The following PCNX2 variants were observed in gnomAD, a reference collection of about 807,000 sequenced individuals.
The protein encoded by PCNX2 is pecanex 2, also known as pecanex-like protein 2.
A neutral mutation model predicts 223.8 loss-of-function variants in PCNX2; 168 were observed. The ratio of observed to expected loss-of-function variants is 0.75; its 90% CI spans 0.66 to 0.85. The LOEUF (loss-of-function observed/expected upper bound fraction) is 0.85, where lower values mean the gene tolerates loss of function less well. Among genes scored for constraint, PCNX2 ranks in the 40% least tolerant of loss-of-function variants. The pLI is 0.00. For missense variants in PCNX2, 2,507 were observed against 2,675.5 expected, an observed-to-expected ratio of 0.94 and a Z score of 1.39; for synonymous variants, 1,006 against 1,052.6, an observed-to-expected ratio of 0.96 and a Z score of 0.86.
intron 17 of PCNX2, among the ~76,000 whole-genome samples, chr1:233,168,741 A>G (rs1678951054): frequency 6.6e-6 from 1 of 152,204 alleles, no homozygotes; most frequent in East Asian, 1.9e-4. Flanking sequence ...CATTTACTCT[A>G]TCATAGGTTG....
intron 33 of PCNX2, 43 bp downstream of exon 33, chr1:232,986,049 C>T (rs373617035): frequency 6.5e-7 from 1 of 1,548,256 alleles, no homozygotes; most frequent in Non-Finnish European, 8.7e-7. Flanking sequence ...GAGCCCGTGC[C>T]ACCATCCCAG....
intron 28 of PCNX2, among the ~76,000 whole-genome samples, chr1:233,002,532 C>G (rs1670125189): frequency 6.6e-6 from 1 of 152,214 alleles, no homozygotes; most frequent in African/African-American, 2.4e-5. Flanking sequence ...GAAAAACATT[C>G]CATGCTCATG....
intron 23 of PCNX2, among the ~76,000 whole-genome samples, chr1:233,089,154 G>A (rs1478448197): frequency 1.3e-5 from 2 of 151,794 alleles, no homozygotes; most frequent in African/African-American, 4.9e-5. Context: ...AAGACACATT[G>A]TAAAATGCTG....
At chr1:233,281,901 T>C (rs966091942) in intron 1 of PCNX2, among the ~76,000 whole-genome samples, 3 of 152,128 alleles carry the variant, frequency 2.0e-5, no homozygotes, top group Non-Finnish European at 2.9e-5. Context: ...CAAGGACCAA[T>C]GGGGATTCAA....
rs187731623 is a variant in PCNX2 at position 233,232,199 on chromosome 1, A to G, written c.2358+4646T>C. On this transcript the variant is annotated intron_variant, in intron 9 of 33. Transcript: ENST00000258229. ...CTAAACCTATTACAGATAGTCTCTG[A>G]CTTACAATGGTTCAACTTATGATTT... 3.9e-4 allele frequency among the ~76,000 whole-genome samples: 60 copies of G among 152,374 alleles called. 2 individuals carry two copies. The East Asian group carries it at 0.01, about 26-fold the overall frequency.
At chr1:233,322,209 C>T in the PCNX2 span, among the ~76,000 whole-genome samples, 1 of 152,040 alleles carries the variant, frequency 6.6e-6, no homozygotes, top group Non-Finnish European at 1.5e-5. Context: ...TTCTTGCCAC[C>T]ATCTGTTTAA....
At chr1:233,166,189 A>T (rs887930958) in intron 17 of PCNX2, among the ~76,000 whole-genome samples, 1 of 149,836 alleles carries the variant, frequency 6.7e-6, no homozygotes, top group African/African-American at 2.4e-5. Flanking sequence ...AAAAATAAAT[A>T]AATAAATAAA....
At chr1:233,289,204 C>T in intron 1 of PCNX2, 1 of 848,904 alleles carries the variant, frequency 1.2e-6, no homozygotes, top group East Asian at 2.4e-5. Context: ...TTCTCCAATT[C>T]ACATACTAGC....
intron 17 of PCNX2, among the ~76,000 whole-genome samples, chr1:233,167,210 C>T (rs548556000): frequency 6.6e-6 from 1 of 152,192 alleles, no homozygotes; most frequent in Admixed American, 6.5e-5. Flanking sequence ...ATTTTTCAGC[C>T]TTTATGAAAA....
intron 32 of PCNX2, among the ~76,000 whole-genome samples, chr1:232,987,005 C>T (rs1009590689): frequency 2.6e-5 from 4 of 152,204 alleles, no homozygotes; most frequent in Non-Finnish European, 5.9e-5. Flanking sequence ...TAAAGGAAAA[C>T]GTGCAGGGTT....
chr1:233,238,454 G>C (rs908275656), intron 8 of PCNX2, among the ~76,000 whole-genome samples: 6 of 152,124 alleles, frequency 3.9e-5, no homozygotes, highest in Non-Finnish European at 8.8e-5. Flanking sequence ...ACTTTGAGAG[G>C]GGGAGGCAGG....
At chr1:233,158,590 G>A (rs1678271146) in intron 19 of PCNX2, among the ~76,000 whole-genome samples, 1 of 152,152 alleles carries the variant, frequency 6.6e-6, no homozygotes, top group African/African-American at 2.4e-5. Flanking sequence ...AGGCAAATGT[G>A]TAGGTTACAA....
chr1:233,126,838 T>C lies in PCNX2; in HGVS notation c.3837+8175A>G, dbSNP rs938879641. ...TCCTTTTCCCAAAAACGTCTTTCTCTTCTTTATTATTCCCTAATCTAGTTA... is the reference window on the plus strand; with the variant it reads ...TCCTTTTCCCAAAAACGTCTTTCTCCTCTTTATTATTCCCTAATCTAGTTA... On this transcript the variant is annotated intron_variant, in intron 21 of 33. Transcript: ENST00000258229. The surrounding 1 kb of genome is among the most constrained non-coding windows in gnomAD (Gnocchi z 4.8). Among the ~76,000 whole-genome samples, 2 of 152,190 alleles carry C rather than the reference T, an allele frequency of 1.3e-5. No homozygotes were observed. The highest frequency in any genetic ancestry group is 2.4e-5 in the African/African-American group (1 of 41,434).
At chr1:233,224,449 G>A (rs951088707) in intron 10 of PCNX2, among the ~76,000 whole-genome samples, 1 of 152,220 alleles carries the variant, frequency 6.6e-6, no homozygotes, top group Non-Finnish European at 1.5e-5. Flanking sequence ...CATGCAGGAT[G>A]ACTTAATCTA....
In PCNX2 at chr1:233,211,332, A is replaced by AT. The variant is rs552399039; in HGVS notation, c.2692-2644dup. Among the ~76,000 whole-genome samples the AT allele has an allele frequency of 2.2e-3, 310 of 142,424 alleles. 1 individual carries two copies. Among genetic ancestry groups the AT allele is most frequent in the South Asian group, 2.9e-3 (13 of 4,476 alleles). 93.4% of individuals were successfully genotyped at this position (142,424 alleles called of 152,430 possible). On this transcript the variant is annotated intron_variant, in intron 12 of 33. Transcript: ENST00000258229. ...ATGTTCCTGTCTCCCCCACATTCAGATTTTTTTTTTTTTTTAAAGAAAGGA... is the reference window on the plus strand; with the variant it reads ...ATGTTCCTGTCTCCCCCACATTCAGATTTTTTTTTTTTTTTTAAAGAAAGGA...
intron 1 of PCNX2, chr1:233,293,979 G>A: frequency 1.0e-6 from 1 of 985,304 alleles, no homozygotes; most frequent in Non-Finnish European, 1.2e-6. Context: ...GAATCAGAAA[G>A]AAGAAATAAA....
chr1:233,015,998 G>A (rs1670643741), intron 27 of PCNX2, among the ~76,000 whole-genome samples: 1 of 152,126 alleles, frequency 6.6e-6, no homozygotes, highest in South Asian at 2.1e-4. Flanking sequence ...ACCATCTGAG[G>A]AATGGACAGA....
chr1:233,040,268 C>T (rs937483304), intron 25 of PCNX2, among the ~76,000 whole-genome samples: 2 of 152,120 alleles, frequency 1.3e-5, no homozygotes, highest in South Asian at 4.1e-4. Flanking sequence ...GCACACATAC[C>T]TCCATGCCTA....
At chr1:233,271,337 C>G (rs1660627528) in intron 1 of PCNX2, among the ~76,000 whole-genome samples, 1 of 152,062 alleles carries the variant, frequency 6.6e-6, no homozygotes, top group African/African-American at 2.4e-5. Flanking sequence ...TAATCTAAAT[C>G]AAGACTGAAT....
Sources: gnomAD v4.1 joint callset for allele counts (sites outside exome capture counted in the v4.1 genomes callset) on GRCh38, gnomAD v4.1.1 for gene constraint, Gnocchi (gnomAD v3.1) non-coding constraint, MANE v1.5 for transcripts, NCBI Gene and HGNC (gene_info 2026-07-23, HGNC 2026-07-21) for gene names.